The following DCDC2 variants were observed in gnomAD, a reference collection of about 807,000 sequenced individuals.
The protein encoded by DCDC2 is doublecortin domain-containing protein 2.
A neutral mutation model predicts 50.2 loss-of-function variants in DCDC2; 40 were observed. The observed-to-expected ratio is 0.80, with a 90% CI of 0.62 to 1.04. The LOEUF (loss-of-function observed/expected upper bound fraction) is 1.04, where lower values mean the gene tolerates loss of function less well. Ranked by LOEUF, DCDC2 falls within the 50% of genes least tolerant of loss-of-function variation. DCDC2 has a pLI of 0.00. For missense variants in DCDC2, 570 were observed against 581.9 expected, an observed-to-expected ratio of 0.98 and a Z score of 0.21; for synonymous variants, 234 against 210.6, an observed-to-expected ratio of 1.11 and a Z score of -0.96.
chr6:24,325,209 TCTC>T (rs1203168611), intron 2 of DCDC2, among the ~76,000 whole-genome samples: 5 of 131,738 alleles, frequency 3.8e-5, no homozygotes, highest in Admixed American at 3.8e-4. Context: ...TCCTCACACT[TCTC>T]CTCGGTTCTC....
chr6:24,194,788 C>T (rs777040769), intron 8 of DCDC2, among the ~76,000 whole-genome samples: 14 of 152,152 alleles, frequency 9.2e-5, no homozygotes, highest in African/African-American at 2.4e-5. Flanking sequence ...TTGGAACATG[C>T]ATACACAAAA....
Position 24,174,062 on chromosome 6 carries a change from T to G in DCDC2, c.*668A>C, listed in dbSNP as rs1412696023. The G allele has an allele frequency of 6.6e-6, 1 of 152,172 alleles. No individual in the cohort carries two copies. The highest frequency in any genetic ancestry group is 1.9e-4 in the East Asian group (1 of 5,200). 9.4% of individuals were successfully genotyped at this position (152,172 alleles called of 1,614,324 possible). On this transcript the variant is annotated 3_prime_UTR_variant, in exon 10 of 10. Transcript: ENST00000378454. Reference sequence around the variant, plus strand: ...CAATTCCTTCCTGAGTGTGCGCCATTGGAGCCACAAGCATGCAAGCCTGAA... The same window carrying G: ...CAATTCCTTCCTGAGTGTGCGCCATGGGAGCCACAAGCATGCAAGCCTGAA...
At chr6:24,254,757 A>G (rs1762860393) in intron 7 of DCDC2, among the ~76,000 whole-genome samples, 1 of 152,178 alleles carries the variant, frequency 6.6e-6, no homozygotes, top group Non-Finnish European at 1.5e-5. Flanking sequence ...TCAAAAAAAT[A>G]AAATATCACA....
chr6:24,353,647 TAA>T (rs765155323), intron 1 of DCDC2, 24 bp from the exon 2 acceptor site: 55 of 1,469,482 alleles, frequency 3.7e-5, no homozygotes, highest in Non-Finnish European at 5.0e-5. Flanking sequence ...AAACAAACAA[TAA>T]GAGTTGCTTT....
In DCDC2 at chr6:24,216,127, G is replaced by A. The variant is rs147149199; in HGVS notation, c.923-11025C>T. On this transcript the variant is annotated intron_variant, in intron 7 of 9. Transcript: ENST00000378454. ...AAATGTCCAGCAAGTGGCTAGAAAT[G>A]TAAGTCTGTTAATTAGAATAAAGTT... Among the ~76,000 whole-genome samples, 522 of 152,302 alleles carry A rather than the reference G, an allele frequency of 3.4e-3. 6 individuals are homozygous for A. The highest frequency in any genetic ancestry group is 0.012 in the African/African-American group (492 of 41,570).
chr6:24,181,181 G>T, intron 8 of DCDC2, among the ~76,000 whole-genome samples: 1 of 152,214 alleles, frequency 6.6e-6, no homozygotes, highest in South Asian at 2.1e-4. Context: ...ATGATGGACA[G>T]AAACTCAGGT....
At chr6:24,223,192 A>G (rs1762154890) in intron 7 of DCDC2, among the ~76,000 whole-genome samples, 1 of 152,246 alleles carries the variant, frequency 6.6e-6, no homozygotes, top group Admixed American at 6.5e-5. Flanking sequence ...CATTATGAAT[A>G]CAATTCTAAG....
intron 9 of DCDC2, among the ~76,000 whole-genome samples, chr6:24,178,062 AT>A (rs1164301451): frequency 6.6e-6 from 1 of 152,178 alleles, no homozygotes; most frequent in Non-Finnish European, 1.5e-5. Flanking sequence ...TTCTTGTAAA[AT>A]TAGGCAGGAG....
the DCDC2 span, among the ~76,000 whole-genome samples, chr6:24,380,647 A>C: frequency 1.3e-5 from 2 of 152,176 alleles, no homozygotes; most frequent in African/African-American, 2.4e-5. Flanking sequence ...TATACATGCT[A>C]GTTTCTGGAA....
intron 7 of DCDC2, among the ~76,000 whole-genome samples, chr6:24,225,756 T>C (rs1762220699): frequency 6.6e-6 from 1 of 152,214 alleles, no homozygotes; most frequent in African/African-American, 2.4e-5. Flanking sequence ...AGCTCTTTGA[T>C]AGGTCTGAAA....
intron 2 of DCDC2, among the ~76,000 whole-genome samples, chr6:24,339,441 G>A (rs1197437503): frequency 6.6e-6 from 1 of 151,962 alleles, no homozygotes; most frequent in Non-Finnish European, 1.5e-5. Context: ...CACATAAACT[G>A]GTGCTCATAT....
At chr6:24,381,926 GAA>G in the DCDC2 span, among the ~76,000 whole-genome samples, 8 of 125,516 alleles carry the variant, frequency 6.4e-5, 1 homozygote, top group Admixed American at 1.9e-4. Flanking sequence ...GAGAGAAAGA[GAA>G]AGAAAGAAAG....
At chr6:24,292,740 T>C (rs114955925) in intron 4 of DCDC2, among the ~76,000 whole-genome samples, 2,204 of 152,328 alleles carry the variant, frequency 0.014, 17 homozygotes, top group Middle Eastern at 0.044. Flanking sequence ...ACTGGCATTA[T>C]TGACATTTTG....
chr6:24,275,491 T>C (rs566518545), intron 7 of DCDC2, among the ~76,000 whole-genome samples: 1 of 152,200 alleles, frequency 6.6e-6, no homozygotes, highest in Admixed American at 6.5e-5. Context: ...TCTATCCAAA[T>C]GAAAAGATAC....
At position 24,290,147 on chromosome 6, in the gene DCDC2, C is replaced by T. The variant is rs527293600; in HGVS notation, c.704+785G>A. Reference sequence around the variant, plus strand: ...TAGCTGGGACTACAGGCGCCCGCCACTACGCCCGGCTAATTTTTTGTATTT... The same window carrying T: ...TAGCTGGGACTACAGGCGCCCGCCATTACGCCCGGCTAATTTTTTGTATTT... On this transcript the variant is annotated intron_variant, in intron 5 of 9. Coordinates refer to ENST00000378454, the MANE Select transcript of DCDC2 (RefSeq NM_016356.5). 2.1e-4 allele frequency among the ~76,000 whole-genome samples: 31 copies of T among 150,796 alleles called. No individual in the cohort carries two copies. The East Asian group carries it at 6.0e-3, about 29-fold the overall frequency.
At chr6:24,273,009 TACACAC>T (rs60162257) in intron 7 of DCDC2, among the ~76,000 whole-genome samples, 16 of 149,456 alleles carry the variant, frequency 1.1e-4, no homozygotes, top group South Asian at 1.1e-3. Context: ...TATAAAGACA[TACACAC>T]ACACACACAC....
chr6:24,332,455 AGT>A (rs1759983897), intron 2 of DCDC2, among the ~76,000 whole-genome samples: 1 of 152,208 alleles, frequency 6.6e-6, no homozygotes, highest in African/African-American at 2.4e-5. Context: ...AGCCAACATT[AGT>A]CACCACTCAT....
intron 7 of DCDC2, among the ~76,000 whole-genome samples, chr6:24,220,920 G>GAGCGAGAGAGTGAGCGAGCGAGCA (rs1561895662): frequency 6.7e-6 from 1 of 149,010 alleles, no homozygotes; most frequent in African/African-American, 2.5e-5. Context: ...GTGAGCGAGC[G>GAGCGAGAGAGTGAGCGAGCGAGCA]AGCGAGAGCA....
Position 24,291,781 on chromosome 6 carries a change from G to A in DCDC2, c.558-703C>T, listed in dbSNP as rs530127779. Among the ~76,000 whole-genome samples, 375 of 152,172 alleles carry A rather than the reference G, an allele frequency of 2.5e-3. 3 individuals are homozygous for A. Among genetic ancestry groups the A allele is most frequent in the Non-Finnish European group, 3.0e-3 (204 of 68,018 alleles). On this transcript the variant is annotated intron_variant, in intron 4 of 9. Transcript: ENST00000378454. ...ATTACAGGCATGAGCCACCGCGCCC[G>A]GCCTTGTTAATACTTTTAAATTTTA...
Sources: allele counts gnomAD v4.1 joint callset (sites outside exome capture counted in the v4.1 genomes callset), GRCh38; gene constraint gnomAD v4.1.1; transcripts MANE v1.5; gene names NCBI Gene and HGNC (gene_info 2026-07-23, HGNC 2026-07-21).